The following DIS3L2 variants were observed in gnomAD, a reference collection of about 807,000 sequenced individuals.
DIS3L2 encodes the protein DIS3 like 3'-5' exoribonuclease 2.
Under a neutral mutation model 97.5 loss-of-function variants are expected in DIS3L2, and 34 were observed. The observed-to-expected ratio is 0.35, with a 90% CI of 0.27 to 0.46. DIS3L2 has a LOEUF of 0.46. Among genes scored for constraint, DIS3L2 ranks in the 20% least tolerant of loss-of-function variants. The pLI is 1.00. For missense variants in DIS3L2, 1,038 were observed against 1,146.0 expected (o/e 0.91, Z 1.36); for synonymous variants, 435 against 445.2 (o/e 0.98, Z 0.29).
intron 8 of DIS3L2, among the ~76,000 whole-genome samples, chr2:232,143,918 C>A (rs909898987): frequency 6.6e-6 from 1 of 152,006 alleles, no homozygotes; most frequent in Non-Finnish European, 1.5e-5. Context: ...ATATTTATAA[C>A]CCTAAATGTT....
intron 7 of DIS3L2, among the ~76,000 whole-genome samples, chr2:232,135,473 G>A (rs531243020): frequency 6.6e-6 from 1 of 152,184 alleles, no homozygotes; most frequent in African/African-American, 2.4e-5. Context: ...AGTGGCGAAG[G>A]GGGGTGTCCC....
At chr2:232,080,054 A>G (rs906045464) in intron 5 of DIS3L2, among the ~76,000 whole-genome samples, 12 of 152,244 alleles carry the variant, frequency 7.9e-5, no homozygotes, top group Non-Finnish European at 1.6e-4. Flanking sequence ...AAAGAGACCA[A>G]TTATTGCATT....
At chr2:232,258,244 G>A (rs906351036) in intron 12 of DIS3L2, among the ~76,000 whole-genome samples, 1 of 152,138 alleles carries the variant, frequency 6.6e-6, no homozygotes, top group African/African-American at 2.4e-5. Flanking sequence ...AGTATGTGCA[G>A]TAAACTCACC....
chr2:232,330,928 G>A (rs1695719891), intron 16 of DIS3L2, 152 bp downstream of exon 16: 9 of 804,142 alleles, frequency 1.1e-5, no homozygotes, highest in South Asian at 3.2e-5. Context: ...GCCAGAGGGT[G>A]GGAGAGGAGG....
At chr2:232,294,342 A>G (rs933358595) in intron 13 of DIS3L2, among the ~76,000 whole-genome samples, 10 of 152,182 alleles carry the variant, frequency 6.6e-5, no homozygotes, top group Admixed American at 3.3e-4. Context: ...AAAGTAGGCC[A>G]TCCTTAGCAA....
At chr2:232,001,683 C>T (rs1299900991) in intron 1 of DIS3L2, among the ~76,000 whole-genome samples, 39 of 130,430 alleles carry the variant, frequency 3.0e-4, no homozygotes, top group Non-Finnish European at 5.4e-4. Context: ...CAGTGGTTTT[C>T]AGTGTCAGGC....
At chr2:232,109,204 G>A (rs1244961953) in intron 6 of DIS3L2, among the ~76,000 whole-genome samples, 5 of 152,146 alleles carry the variant, frequency 3.3e-5, no homozygotes, top group Non-Finnish European at 7.3e-5. Context: ...CCAGCACTTC[G>A]TGAGGCCAAG....
intron 9 of DIS3L2, among the ~76,000 whole-genome samples, chr2:232,166,734 C>T (rs1690834495): frequency 6.6e-6 from 1 of 151,698 alleles, no homozygotes; most frequent in South Asian, 2.1e-4. Context: ...CAAAAAATTA[C>T]TTTGGGCTGG....
At chr2:232,057,515 T>C (rs1695577728) in intron 5 of DIS3L2, among the ~76,000 whole-genome samples, 1 of 152,114 alleles carries the variant, frequency 6.6e-6, no homozygotes, top group African/African-American at 2.4e-5. Context: ...TAAAATAGCA[T>C]CCAGGAGTTA....
chr2:232,014,209 C>T, intron 1 of DIS3L2, among the ~76,000 whole-genome samples: 1 of 152,322 alleles, frequency 6.6e-6, no homozygotes, highest in Non-Finnish European at 1.5e-5. Flanking sequence ...GCTGTTTGAG[C>T]TTCTGATGAG....
chr2:232,172,057 A>T (rs1214223650), intron 9 of DIS3L2, among the ~76,000 whole-genome samples: 1 of 152,228 alleles, frequency 6.6e-6, no homozygotes, highest in African/African-American at 2.4e-5. Context: ...AATGATATTT[A>T]AAAATTTCAT....
intron 10 of DIS3L2, among the ~76,000 whole-genome samples, chr2:232,231,029 C>A (rs1692775119): frequency 6.6e-6 from 1 of 152,198 alleles, no homozygotes; most frequent in Non-Finnish European, 1.5e-5. Flanking sequence ...GACACCTTTT[C>A]ATTACTAATG....
chr2:232,279,737 G>T (rs1694235485), intron 13 of DIS3L2, among the ~76,000 whole-genome samples: 1 of 151,980 alleles, frequency 6.6e-6, no homozygotes, highest in South Asian at 2.1e-4. Context: ...CACTATGTTG[G>T]CCAGGCTTGT....
chr2:232,192,603 A>G (rs1395262785), intron 9 of DIS3L2, among the ~76,000 whole-genome samples: 1 of 152,192 alleles, frequency 6.6e-6, no homozygotes, highest in Non-Finnish European at 1.5e-5. Context: ...AACTTCTAGA[A>G]AGTCGCGGCA....
intron 1 of DIS3L2, among the ~76,000 whole-genome samples, chr2:231,966,022 CAGA>C: frequency 6.6e-6 from 1 of 152,038 alleles, no homozygotes; most frequent in East Asian, 1.9e-4. Context: ...TTTTGTTTTA[CAGA>C]AGGAGTTTCA....
intron 6 of DIS3L2, among the ~76,000 whole-genome samples, chr2:232,098,562 C>T (rs1196068732): frequency 1.3e-5 from 2 of 152,120 alleles, no homozygotes; most frequent in African/African-American, 4.8e-5. Context: ...CCATGTTGGC[C>T]AAGCTGGTCT....
At chr2:232,226,088 A>G (rs1299431337) in intron 10 of DIS3L2, among the ~76,000 whole-genome samples, 2 of 152,222 alleles carry the variant, frequency 1.3e-5, no homozygotes, top group Non-Finnish European at 2.9e-5. Context: ...AAATGTTCTA[A>G]AATTTATTGT....
At chr2:232,185,849 C>CAAAAAAAAAA (rs71056259) in intron 9 of DIS3L2, among the ~76,000 whole-genome samples, 1 of 102,306 alleles carries the variant, frequency 9.8e-6, no homozygotes, top group African/African-American at 3.8e-5. Flanking sequence ...GACTTCGTCT[C>CAAAAAAAAAA]AAAAAAAAAA....
At chr2:232,061,039 T>A (rs1391659748) in intron 5 of DIS3L2, among the ~76,000 whole-genome samples, 1 of 152,216 alleles carries the variant, frequency 6.6e-6, no homozygotes, top group Non-Finnish European at 1.5e-5. Context: ...TTAGCTCTAA[T>A]AGTTTTTTGG....
Sources: allele counts gnomAD v4.1 joint callset (sites outside exome capture counted in the v4.1 genomes callset), GRCh38; gene constraint gnomAD v4.1.1; transcripts MANE v1.5; gene names NCBI Gene and HGNC (gene_info 2026-07-23, HGNC 2026-07-21).